ZNF473: variants seen among roughly 807,000 people sequenced by gnomAD.
The protein encoded by ZNF473 is zinc finger protein 100 homolog.
A neutral mutation model predicts 11.1 loss-of-function variants in ZNF473; 4 were observed. The ratio of observed to expected loss-of-function variants is 0.36; its 90% CI spans 0.18 to 0.82. The LOEUF (loss-of-function observed/expected upper bound fraction) is 0.82. Ranked by LOEUF, ZNF473 falls within the 40% of genes least tolerant of loss-of-function variation. The probability of loss-of-function intolerance (pLI) is 0.49; values close to 1 mark genes in which losing one functional copy is unlikely to be tolerated. For missense variants in ZNF473, 854 were observed against 1,084.0 expected (o/e 0.79, Z 2.98); for synonymous variants, 404 against 390.4 (o/e 1.03, Z -0.41).
At chr19:50,040,886 CTT>C (rs1202587057) in intron 3 of ZNF473, among the ~76,000 whole-genome samples, 1 of 152,202 alleles carries the variant, frequency 6.6e-6, no homozygotes, top group African/African-American at 2.4e-5. Context: ...ACCTCAGTGT[CTT>C]TTTGAATTTT....
rs756038200 is a variant in ZNF473 at position 50,039,033 on chromosome 19, G to A, written c.10-128G>A. 3.6e-4 allele frequency: 427 copies of A among 1,195,986 alleles called. No homozygotes were observed. Among genetic ancestry groups the A allele is most frequent in the Non-Finnish European group, 4.8e-4 (404 of 839,926 alleles). The allele number at this position is 1,195,986 out of a possible 1,614,324, so 74.1% of individuals were successfully genotyped here. On this transcript the variant is annotated intron_variant, in intron 2 of 4. Transcript: ENST00000270617. This position sits in a 1 kb window ranked among gnomAD's most constrained non-coding sequence, Gnocchi z 4.8. The stretch of plus-strand genomic sequence containing the variant: ...CAGTCTCTTACATCTCAAGATTCTT[G>A]TGAGGCTGAGGATGGGATGGTTTTT...
At chr19:50,044,647 G>A (rs1978959553) in intron 4 of ZNF473, 23 bp from the exon 5 acceptor site, 8 of 1,569,494 alleles carry the variant, frequency 5.1e-6, no homozygotes, top group African/African-American at 2.7e-5. Flanking sequence ...GTGAACAGGA[G>A]ACATTTGCAC....
At chr19:50,038,070 G>C (rs1000860091) in intron 2 of ZNF473, among the ~76,000 whole-genome samples, 2 of 146,300 alleles carry the variant, frequency 1.4e-5, no homozygotes, top group East Asian at 4.0e-4. Flanking sequence ...GCAGTGGTGC[G>C]ATCACAGCTC....
In ZNF473 at chr19:50,048,434, G is replaced by A. The variant is rs928688790; in HGVS notation, c.*1375G>A. On this transcript the variant is annotated 3_prime_UTR_variant, in exon 5 of 5. Transcript: ENST00000270617. ...GGGCTTTTCAACTCTTGCACCTGGA[G>A]TTCTGCTGGTTAAGTTTGTTAAACT... 6.6e-6 allele frequency: 1 copy of A among 152,260 alleles called. No individual in the cohort carries two copies. The highest frequency in any genetic ancestry group is 1.5e-5 in the Non-Finnish European group (1 of 68,048). The allele number at this position is 152,260 out of a possible 1,614,324, so 9.4% of individuals were successfully genotyped here.
At chr19:50,030,591 T>A (rs1422761068) in intron 1 of ZNF473, among the ~76,000 whole-genome samples, 1 of 152,216 alleles carries the variant, frequency 6.6e-6, no homozygotes, top group African/African-American at 2.4e-5. Context: ...AGAAGCATTG[T>A]TCCATTGGTT....
At chr19:50,037,246 C>T (rs183093132) in intron 2 of ZNF473, among the ~76,000 whole-genome samples, 2 of 152,198 alleles carry the variant, frequency 1.3e-5, no homozygotes, top group Admixed American at 6.5e-5. Context: ...AGATGGGACT[C>T]GTTGGTCCCA....
intron 2 of ZNF473, among the ~76,000 whole-genome samples, chr19:50,035,871 G>C (rs544034431): frequency 1.3e-5 from 2 of 152,264 alleles, no homozygotes; most frequent in South Asian, 4.1e-4. Flanking sequence ...CCTCTAACAG[G>C]TCAGCCTCCT....
At position 50,045,976 on chromosome 19, in the gene ZNF473, C is replaced by G. The variant is rs1979091450; in HGVS notation, c.1533C>G (p.Val511=). Residue 511 remains valine, a synonymous_variant, in exon 5 of 5, where the codon GTC becomes GTG. Coordinates refer to ENST00000270617, the MANE Select transcript of ZNF473 (RefSeq NM_015428.4). ...RLVQHQKMHT[V]KTPYECQECG... ...TGCAACACCAGAAAATGCACACTGT[C>G]AAAACCCCATATGAATGTCAGGAGT... 3 of 1,614,144 alleles carry G rather than the reference C, an allele frequency of 1.9e-6. No individual in the cohort carries two copies. Among genetic ancestry groups the G allele is most frequent in the Non-Finnish European group, 1.7e-6 (2 of 1,180,036 alleles).
intron 2 of ZNF473, among the ~76,000 whole-genome samples, chr19:50,035,497 GT>G: frequency 7.0e-6 from 1 of 142,412 alleles, no homozygotes; most frequent in Admixed American, 7.2e-5. Context: ...GTGTTTGGCT[GT>G]TCTTAAGAGT....
chr19:50,035,574 C>CT (rs1978380610), intron 2 of ZNF473, among the ~76,000 whole-genome samples: 1 of 152,000 alleles, frequency 6.6e-6, no homozygotes, highest in Admixed American at 6.6e-5. Flanking sequence ...AGGACAGGAA[C>CT]TGGCTGCCCC....
Position 50,044,862 on chromosome 19 carries a change from A to T in ZNF473, c.419A>T (p.Asn140Ile). The T allele has an allele frequency of 1.9e-6, 3 of 1,614,210 alleles. No homozygotes were observed. Among genetic ancestry groups the T allele is most frequent in the Non-Finnish European group, 2.5e-6 (3 of 1,180,042 alleles). Reference protein sequence around the residue: ...ESLLRSDIATNGESPTECKSH... With the variant: ...ESLLRSDIATIGESPTECKSH... ...CTTCTGAGGTCTGATATTGCCACCA[A>T]CGGGGAAAGTCCCACGGAATGCAAG... is the stretch of plus-strand genomic sequence containing the variant. The change falls in exon 5 of 5, where the codon AAC becomes ATC. Residue 140 changes from asparagine to isoleucine, a missense_variant. Coordinates refer to ENST00000270617, the MANE Select transcript of ZNF473 (RefSeq NM_015428.4).
intron 2 of ZNF473, among the ~76,000 whole-genome samples, chr19:50,037,976 G>A (rs1978548475): frequency 1.3e-5 from 2 of 149,210 alleles, no homozygotes; most frequent in African/African-American, 4.9e-5. Context: ...TGTCCTATAC[G>A]AACTCTACCG....
Position 50,039,328 on chromosome 19 carries a change from C to T in ZNF473, c.136+41C>T. 1 of 1,611,006 alleles carries T rather than the reference C, an allele frequency of 6.2e-7. No homozygotes were observed. Among genetic ancestry groups the T allele is most frequent in the East Asian group, 2.2e-5 (1 of 44,804 alleles). ...CCCCAGGGGCCTACTCACTGCCCTG[C>T]TTGGTGATCACCCATGCTCTCTACC... On this transcript the variant is annotated intron_variant, in intron 3 of 4. Transcript: ENST00000270617. This position sits in a 1 kb window ranked among gnomAD's most constrained non-coding sequence, Gnocchi z 4.8.
chr19:50,031,228 GT>G, intron 2 of ZNF473, 137 bp downstream of exon 2: 1 of 1,194,632 alleles, frequency 8.4e-7, no homozygotes, highest in South Asian at 1.3e-5. Flanking sequence ...GCCTTCCTTT[GT>G]TTTGGCCTCC....
chr19:50,030,939 G>C lies in ZNF473; in HGVS notation c.-144G>C. On this transcript the variant is annotated 5_prime_UTR_variant, in exon 2 of 5. Coordinates refer to ENST00000270617, the MANE Select transcript of ZNF473 (RefSeq NM_015428.4). ...CCTCCTCCTCCTGGACATTTTGGGG[G>C]CTCGTCAGCATGGACAGCGAGTCAG... 1 of 1,199,238 alleles carries C rather than the reference G, an allele frequency of 8.3e-7. No individual in the cohort carries two copies. The highest frequency in any genetic ancestry group is 1.2e-6 in the Non-Finnish European group (1 of 832,638). 74.3% of individuals were successfully genotyped at this position (1,199,238 alleles called of 1,614,324 possible).
At chr19:50,031,512 C>T (rs1293993177) in intron 2 of ZNF473, among the ~76,000 whole-genome samples, 2 of 152,122 alleles carry the variant, frequency 1.3e-5, no homozygotes, top group African/African-American at 4.8e-5. Flanking sequence ...AATTCCCTGC[C>T]CCTTTTCCAT....
chr19:50,042,552 A>T (rs754027640), intron 4 of ZNF473: 3 of 152,230 alleles, frequency 2.0e-5, no homozygotes, highest in Non-Finnish European at 4.4e-5. Flanking sequence ...TAACTCATGC[A>T]CAGGCTCTCA....
Position 50,046,773 on chromosome 19 carries a change from G to T in ZNF473, c.2330G>T (p.Arg777Leu). The T allele has an allele frequency of 6.2e-7, 1 of 1,614,116 alleles. No individual in the cohort carries two copies. Among genetic ancestry groups the T allele is most frequent in the African/African-American group, 1.3e-5 (1 of 75,022 alleles). Residue 777 changes from arginine (R) to leucine (L), a missense_variant, in exon 5 of 5, where the codon CGG becomes CTG. By Grantham distance (102) the Arg-to-Leu change is moderately radical. Around this residue, in one of 2 missense-constraint regions of ZNF473, gnomAD observed 186 missense variants for 293.8 expected, o/e 0.63. Coordinates refer to ENST00000270617, the MANE Select transcript of ZNF473 (RefSeq NM_015428.4). The surrounding 1 kb of genome is among the most constrained non-coding windows in gnomAD (Gnocchi z 5.9). ...FTQSSCLSIH[R>L]RVHTGEKPYR... ...CAGAGCTCATGCCTTTCTATTCACC[G>T]GAGAGTTCACACTGGGGAGAAGCCC...
At chr19:50,029,469 A>G (rs1252575260) in intron 1 of ZNF473, among the ~76,000 whole-genome samples, 2 of 152,256 alleles carry the variant, frequency 1.3e-5, no homozygotes, top group Admixed American at 6.5e-5. Context: ...TTAATGAAAT[A>G]TGCCATGTAT....
Sources: gnomAD v4.1 joint callset for allele counts (sites outside exome capture counted in the v4.1 genomes callset) on GRCh38, gnomAD v4.1.1 for gene constraint, gnomAD v4.1.1 regional missense constraint, Gnocchi (gnomAD v3.1) non-coding constraint, MANE v1.5 for transcripts, NCBI Gene and HGNC (gene_info 2026-07-23, HGNC 2026-07-21) for gene names.